THUMPD3: variants seen among roughly 807,000 people sequenced by gnomAD.
THUMPD3 encodes THUMP domain 3 tRNA guanosine methyltransferase, also known as tRNA (guanine(6)-N(2))-methyltransferase THUMP3.
A neutral mutation model predicts 54.5 loss-of-function variants in THUMPD3; 44 were observed. That is an observed-to-expected ratio of 0.81 (90% CI 0.63 to 1.04). THUMPD3 has a LOEUF of 1.04. THUMPD3 is among the 50% of genes least tolerant of loss of function. The pLI, the probability that THUMPD3 is intolerant of heterozygous loss-of-function variation, is 0.00. For missense variants in THUMPD3, 604 were observed against 601.3 expected, an observed-to-expected ratio of 1.00 and a Z score of -0.05; for synonymous variants, 196 against 201.4, an observed-to-expected ratio of 0.97 and a Z score of 0.23.
chr3:9,379,182 C>T (rs914943440), intron 6 of THUMPD3, among the ~76,000 whole-genome samples: 1 of 150,320 alleles, frequency 6.7e-6, no homozygotes, highest in Non-Finnish European at 1.5e-5. Flanking sequence ...AAACCCAATT[C>T]TTTCCAATGC....
chr3:9,383,815 T>C (rs1559313398), intron 8 of THUMPD3, among the ~76,000 whole-genome samples: 1 of 152,096 alleles, frequency 6.6e-6, no homozygotes, highest in Non-Finnish European at 1.5e-5. Flanking sequence ...AAAGACAGGG[T>C]TTCACCATAT....
chr3:9,370,912 C>T (rs1389921923), intron 3 of THUMPD3, 148 bp from the exon 4 acceptor site: 2 of 676,394 alleles, frequency 3.0e-6, no homozygotes, highest in East Asian at 5.2e-5. Flanking sequence ...ATATGAGGGA[C>T]TTTTGAGCAT....
Position 9,385,927 on chromosome 3 carries a change from G to C in THUMPD3, c.*1239G>C, listed in dbSNP as rs2033298141. The C allele has an allele frequency of 6.6e-6, 1 of 152,178 alleles. No individual in the cohort carries two copies. 9.4% of individuals were successfully genotyped at this position (152,178 alleles called of 1,614,324 possible). Reference sequence around the variant, plus strand: ...TTTTGTGGAAAATGGTGCTTCCCTGGAACAAAGAGTAGTTGAGGTTTTTTT... The same window carrying C: ...TTTTGTGGAAAATGGTGCTTCCCTGCAACAAAGAGTAGTTGAGGTTTTTTT... On this transcript the variant is annotated 3_prime_UTR_variant, in exon 10 of 10. Transcript: ENST00000452837.
At chr3:9,377,379 T>C (rs1429033926) in intron 5 of THUMPD3, among the ~76,000 whole-genome samples, 1 of 152,114 alleles carries the variant, frequency 6.6e-6, no homozygotes, top group African/African-American at 2.4e-5. Context: ...ATTTTATTTA[T>C]TTATTTATTT....
chr3:9,371,954 G>C (rs2032078180), intron 4 of THUMPD3, among the ~76,000 whole-genome samples: 2 of 152,156 alleles, frequency 1.3e-5, no homozygotes, highest in African/African-American at 4.8e-5. Context: ...TCAGCTCACT[G>C]CAGCCTCCAC....
chr3:9,374,289 A>G (rs568805023), intron 4 of THUMPD3, among the ~76,000 whole-genome samples: 1 of 152,222 alleles, frequency 6.6e-6, no homozygotes, highest in African/African-American at 2.4e-5. Flanking sequence ...AGGTTTTTTA[A>G]TATGTATTTT....
At chr3:9,373,236 T>TA (rs1309364029) in intron 4 of THUMPD3, among the ~76,000 whole-genome samples, 2 of 152,212 alleles carry the variant, frequency 1.3e-5, no homozygotes. Context: ...CACACACCTG[T>TA]AATCCCAGCA....
intron 4 of THUMPD3, among the ~76,000 whole-genome samples, chr3:9,372,202 T>C (rs1307548803): frequency 6.6e-6 from 1 of 152,250 alleles, no homozygotes; most frequent in Non-Finnish European, 1.5e-5. Context: ...TTATATGGAC[T>C]TTCATATTAT....
Position 9,384,994 on chromosome 3 carries a change from G to C in THUMPD3, c.*306G>C, listed in dbSNP as rs1233031007. 3.9e-6 allele frequency: 1 copy of C among 255,914 alleles called. No homozygotes were observed. Among genetic ancestry groups the C allele is most frequent in the Non-Finnish European group, 7.7e-6 (1 of 129,072 alleles). 15.9% of individuals were successfully genotyped at this position (255,914 alleles called of 1,614,324 possible). A position where few individuals can be genotyped will look rare whatever the true frequency, so the allele number is the denominator to read the frequency against. ...GTCTCTACTAGAAATACAAAAATTA[G>C]CCAGGTGTGGTGGCGGGCGCCTGTA... On this transcript the variant is annotated 3_prime_UTR_variant, in exon 10 of 10. Transcript: ENST00000452837.
rs2033057180 is a variant in THUMPD3 at position 9,383,222 on chromosome 3, T to C, written c.1148T>C (p.Ile383Thr). ...AGCAAACCCTCCTGGGGCTTGCCCA[T>C]AGATGCTGTTCAGTGGGATATCTGC... is the stretch of plus-strand genomic sequence containing the variant. Reference protein sequence around the residue: ...KEGKPSWGLPIDAVQWDICNL... With the variant: ...KEGKPSWGLPTDAVQWDICNL... The change falls in exon 8 of 10, where the codon ATA becomes ACA. Residue 383 changes from isoleucine (I) to threonine (T), a missense_variant. Transcript: ENST00000452837. 3 of 1,614,048 alleles carry C rather than the reference T, an allele frequency of 1.9e-6. No homozygotes were observed. The highest frequency in any genetic ancestry group is 1.6e-4 in the Middle Eastern group (1 of 6,062).
At chr3:9,374,404 G>A in intron 4 of THUMPD3, 112 bp from the exon 5 acceptor site, 2 of 1,321,586 alleles carry the variant, frequency 1.5e-6, no homozygotes, top group Non-Finnish European at 2.1e-6. Flanking sequence ...AGGAGTAGGG[G>A]ACCAACAGGT....
At chr3:9,383,047 T>C in intron 7 of THUMPD3, 152 bp from the exon 8 acceptor site, 6 of 537,270 alleles carry the variant, frequency 1.1e-5, no homozygotes, top group Non-Finnish European at 1.7e-5. Context: ...TTTACCTTTG[T>C]GCCATTTCTT....
chr3:9,382,882 A>G (rs1261956743), intron 7 of THUMPD3: 1 of 205,254 alleles, frequency 4.9e-6, no homozygotes, highest in Non-Finnish European at 1.0e-5. Flanking sequence ...GTGTGCCATC[A>G]TGCCCTGCTA....
intron 4 of THUMPD3, among the ~76,000 whole-genome samples, chr3:9,373,996 G>A (rs1331835869): frequency 6.6e-6 from 1 of 152,042 alleles, no homozygotes; most frequent in East Asian, 1.9e-4. Context: ...TTATATACAC[G>A]ATGTGTAAAC....
At chr3:9,384,363 A>G (rs1367381544) in intron 9 of THUMPD3, 28 bp downstream of exon 9, 1 of 1,599,102 alleles carries the variant, frequency 6.3e-7, no homozygotes, top group Admixed American at 1.8e-5. Flanking sequence ...TCAAAATCGC[A>G]GCCTGTGGCA....
chr3:9,372,015 A>C (rs970215140), intron 4 of THUMPD3, among the ~76,000 whole-genome samples: 2 of 152,160 alleles, frequency 1.3e-5, no homozygotes, highest in African/African-American at 2.4e-5. Context: ...AGCTGGGGCT[A>C]CAGGCACATG....
Position 9,386,169 on chromosome 3 carries a change from TAATG to T in THUMPD3, c.*1486_*1489del, listed in dbSNP as rs1204567898. 1 of 152,208 alleles carries T rather than the reference TAATG, an allele frequency of 6.6e-6. No individual in the cohort carries two copies. Among genetic ancestry groups the T allele is most frequent in the Non-Finnish European group, 1.5e-5 (1 of 68,028 alleles). 9.4% of individuals were successfully genotyped at this position (152,208 alleles called of 1,614,324 possible). A position where few individuals can be genotyped will look rare whatever the true frequency, so the allele number is the denominator to read the frequency against. On this transcript the variant is annotated 3_prime_UTR_variant, in exon 10 of 10. Transcript: ENST00000452837. ...CTCTGATCTCCTACCCCACACTTCATAATGAATGGGAAATAAGATGTTTATGAAG... is the reference window on the plus strand; with the variant it reads ...CTCTGATCTCCTACCCCACACTTCATAATGGGAAATAAGATGTTTATGAAG...
intron 5 of THUMPD3, among the ~76,000 whole-genome samples, 195 bp from the exon 6 acceptor site, chr3:9,377,624 C>G (rs2032564837): frequency 6.6e-6 from 1 of 152,190 alleles, no homozygotes; most frequent in Admixed American, 6.5e-5. Context: ...ATCCACCCAT[C>G]TCAGCCTCCC....
chr3:9,376,198 G>T (rs1431338508), intron 5 of THUMPD3, among the ~76,000 whole-genome samples: 1 of 152,156 alleles, frequency 6.6e-6, no homozygotes, highest in East Asian at 1.9e-4. Context: ...CCAGAGAGGG[G>T]TTTATTGGAA....
Sources: allele counts gnomAD v4.1 joint callset (sites outside exome capture counted in the v4.1 genomes callset), GRCh38; gene constraint gnomAD v4.1.1; transcripts MANE v1.5; gene names NCBI Gene and HGNC (gene_info 2026-07-23, HGNC 2026-07-21).